Variants in SMARCAL1 observed in about 807,000 individuals in gnomAD.
SMARCAL1 encodes the protein SNF2 related chromatin remodeling annealing helicase 1, also known as ATP-driven annealing helicase.
In SMARCAL1, 58 loss-of-function variants were observed where a neutral mutation model predicts 94.5. The observed-to-expected ratio is 0.61, with a 90% CI of 0.50 to 0.76. The LOEUF is 0.76. SMARCAL1 is among the 30% of genes least tolerant of loss of function. SMARCAL1 has a pLI of 0.00. For synonymous variants in SMARCAL1, 422 were observed against 455.1 expected, an observed-to-expected ratio of 0.93 and a Z score of 0.93; for missense variants, 1,051 against 1,177.9, an observed-to-expected ratio of 0.89 and a Z score of 1.58.
intron 14 of SMARCAL1, among the ~76,000 whole-genome samples, chr2:216,472,146 G>A (rs1191929110): frequency 6.6e-6 from 1 of 152,180 alleles, no homozygotes; most frequent in African/African-American, 2.4e-5. Context: ...CCCGAGGTTA[G>A]GAATTCTAGA....
At chr2:216,427,764 G>C (rs185327955) in intron 6 of SMARCAL1, among the ~76,000 whole-genome samples, 4 of 152,314 alleles carry the variant, frequency 2.6e-5, no homozygotes, top group African/African-American at 9.6e-5. Context: ...GCTCAGCCCT[G>C]CACGTTCACA....
At chr2:216,419,844 A>G (rs1409391313) in intron 4 of SMARCAL1, among the ~76,000 whole-genome samples, 3 of 151,946 alleles carry the variant, frequency 2.0e-5, no homozygotes, top group Admixed American at 6.6e-5. Context: ...AGCCTGGGCA[A>G]CATAGCGAAA....
At chr2:216,470,662 A>G (rs556877127) in intron 14 of SMARCAL1, among the ~76,000 whole-genome samples, 20 of 151,228 alleles carry the variant, frequency 1.3e-4, no homozygotes, top group Non-Finnish European at 2.2e-4. Flanking sequence ...AAATTTTTAA[A>G]TTTTTCTGTA....
rs751122020 is a variant in SMARCAL1 at position 216,432,826 on chromosome 2, C to T, written c.1443C>T (p.Leu481=). ...IAAFYRKEWP[L]LVVVPSSVRF... ...CCTTTTACCGGAAGGAGTGGCCGCT[C>T]CTGGTGGTGGTGCCATCCTCCGTGC... The change falls in exon 8 of 18, where the codon CTC becomes CTT. Residue 481 remains leucine, a synonymous_variant. Coordinates refer to ENST00000357276, the MANE Select transcript of SMARCAL1 (RefSeq NM_014140.4). 38 of 1,614,090 alleles carry T rather than the reference C, an allele frequency of 2.4e-5. No homozygotes were observed. The Admixed American group carries it at 4.5e-4, about 19-fold the overall frequency.
At position 216,478,199 on chromosome 2, in the gene SMARCAL1, A is replaced by G. The variant is rs886042978; in HGVS notation, c.2529-4A>G. The G allele has an allele frequency of 2.5e-6, 4 of 1,613,720 alleles. No individual in the cohort carries two copies. The highest frequency in any genetic ancestry group is 1.1e-5 in the South Asian group (1 of 91,086). On this transcript the variant is annotated splice_polypyrimidine_tract_variant and splice_region_variant and intron_variant, in intron 16 of 17. Transcript: ENST00000357276. ...ATTCACTGCAGCTCATTTCTCCCCA[A>G]CAGGCCCCTGATTCAAGAGAAGATT... is the stretch of plus-strand genomic sequence containing the variant.
chr2:216,455,453 T>G (rs1286377006), intron 12 of SMARCAL1, among the ~76,000 whole-genome samples: 1 of 152,136 alleles, frequency 6.6e-6, no homozygotes, highest in African/African-American at 2.4e-5. Flanking sequence ...CACCCCTGAG[T>G]AGGGGCAGAC....
chr2:216,418,980 G>A (rs533396837), intron 4 of SMARCAL1, among the ~76,000 whole-genome samples: 74 of 152,262 alleles, frequency 4.9e-4, no homozygotes, highest in Middle Eastern at 6.8e-3. Flanking sequence ...TCTTATGAAT[G>A]TGTCATACAT....
At chr2:216,423,719 A>G in intron 6 of SMARCAL1, 36 bp downstream of exon 6, 4 of 1,540,268 alleles carry the variant, frequency 2.6e-6, no homozygotes, top group Non-Finnish European at 2.7e-6. Context: ...ATATCATGCT[A>G]TTGTTAAGCT....
chr2:216,449,445 G>C (rs972717615), intron 11 of SMARCAL1, among the ~76,000 whole-genome samples: 3 of 151,596 alleles, frequency 2.0e-5, no homozygotes, highest in African/African-American at 7.3e-5. Context: ...CCACTGAAAA[G>C]AGAACCTCAT....
At chr2:216,452,750 G>A (rs560336630) in intron 12 of SMARCAL1, among the ~76,000 whole-genome samples, 3 of 152,200 alleles carry the variant, frequency 2.0e-5, no homozygotes, top group African/African-American at 7.2e-5. Flanking sequence ...TAGAAATTTT[G>A]TGCTTAGTGC....
At chr2:216,413,113 G>T (rs369742362) in intron 1 of SMARCAL1, among the ~76,000 whole-genome samples, 16 of 150,008 alleles carry the variant, frequency 1.1e-4, no homozygotes, top group African/African-American at 3.7e-4. Context: ...GGTTGGAGAA[G>T]GTGGAAGTTC....
At chr2:216,468,470 C>T (rs1438808821) in intron 14 of SMARCAL1, among the ~76,000 whole-genome samples, 1 of 152,184 alleles carries the variant, frequency 6.6e-6, no homozygotes, top group Non-Finnish European at 1.5e-5. Context: ...AGTGTGCAGA[C>T]ATTAGTAGAG....
At chr2:216,439,893 C>A (rs1339541344) in intron 10 of SMARCAL1, among the ~76,000 whole-genome samples, 1 of 152,126 alleles carries the variant, frequency 6.6e-6, no homozygotes, top group East Asian at 1.9e-4. Flanking sequence ...GAAATCCCGT[C>A]TGTACTAAAA....
At chr2:216,413,645 AT>A (rs1693516722) in intron 1 of SMARCAL1, among the ~76,000 whole-genome samples, 1 of 152,044 alleles carries the variant, frequency 6.6e-6, no homozygotes, top group Non-Finnish European at 1.5e-5. Flanking sequence ...CAGTGAACAC[AT>A]AATTTTTTTT....
chr2:216,415,520 T>A lies in SMARCAL1; in HGVS notation c.811+5T>A, dbSNP rs1693578110. 1 of 1,602,714 alleles carries A rather than the reference T, an allele frequency of 6.2e-7. No individual in the cohort carries two copies. Reference sequence around the variant, plus strand: ...CCCTGCCCAGCAAGAATTATGGTAATGTCTTCATTTTTCAGCTGTTTTTTT... The same window carrying A: ...CCCTGCCCAGCAAGAATTATGGTAAAGTCTTCATTTTTCAGCTGTTTTTTT... On this transcript the variant is annotated splice_donor_5th_base_variant and intron_variant, in intron 3 of 17. Coordinates refer to ENST00000357276, the MANE Select transcript of SMARCAL1 (RefSeq NM_014140.4).
At chr2:216,480,441 A>G (rs1169803189) in intron 17 of SMARCAL1, among the ~76,000 whole-genome samples, 1 of 152,200 alleles carries the variant, frequency 6.6e-6, no homozygotes, top group Non-Finnish European at 1.5e-5. Flanking sequence ...AATCAAATGC[A>G]CATTAGCAGC....
At chr2:216,416,140 C>T in intron 3 of SMARCAL1, 117 bp from the exon 4 acceptor site, 1 of 819,522 alleles carries the variant, frequency 1.2e-6, no homozygotes. Flanking sequence ...TCAGTGGGGG[C>T]TTGCTGGTCA....
In SMARCAL1 at chr2:216,415,110, C is replaced by G; in HGVS notation, c.406C>G (p.Gln136Glu). ...ACAAAGTCCTCCAGAGGTCCCTAAA[C>G]AACAGCTCTTGAGTTATGAGTTAGG... ...LAQSPPEVPK[Q>E]QLLSYELGQG... Residue 136 changes from glutamine to glutamate, a missense_variant, in exon 3 of 18, where the codon CAA (glutamine) becomes GAA (glutamate). Coordinates refer to ENST00000357276, the MANE Select transcript of SMARCAL1 (RefSeq NM_014140.4). The G allele has an allele frequency of 6.2e-7, 1 of 1,613,878 alleles. No homozygotes were observed. The highest frequency in any genetic ancestry group is 1.3e-5 in the African/African-American group (1 of 74,994).
chr2:216,456,469 G>C (rs1553530778), intron 12 of SMARCAL1, among the ~76,000 whole-genome samples: 1 of 152,204 alleles, frequency 6.6e-6, no homozygotes, highest in Non-Finnish European at 1.5e-5. Flanking sequence ...CCCACAAAGG[G>C]AAGCCCATCA....
Sources: allele counts gnomAD v4.1 joint callset (sites outside exome capture counted in the v4.1 genomes callset), GRCh38; gene constraint gnomAD v4.1.1; transcripts MANE v1.5; gene names NCBI Gene and HGNC (gene_info 2026-07-23, HGNC 2026-07-21).